SPI1: variants seen among roughly 807,000 people sequenced by gnomAD.
SPI1 encodes Spi-1 proto-oncogene.
A neutral mutation model predicts 30.7 loss-of-function variants in SPI1; 3 were observed. That is an observed-to-expected ratio of 0.10 (90% CI 0.04 to 0.25). The LOEUF (loss-of-function observed/expected upper bound fraction) is 0.25, where lower values mean the gene tolerates loss of function less well. Ranked by LOEUF, SPI1 falls within the 10% of genes least tolerant of loss-of-function variation. The probability of loss-of-function intolerance (pLI) is 1.00; values close to 1 mark genes in which losing one functional copy is unlikely to be tolerated. For missense variants in SPI1, 261 were observed against 371.5 expected (o/e 0.70, Z 2.45); for synonymous variants, 169 against 157.1 (o/e 1.08, Z -0.56).
At position 47,375,615 on chromosome 11, in the gene SPI1, G is replaced by A; in HGVS notation, c.142+18C>T. On this transcript the variant is annotated intron_variant, in intron 2 of 4. Coordinates refer to ENST00000378538, the MANE Select transcript of SPI1 (RefSeq NM_003120.3). The surrounding 1 kb of genome is among the most constrained non-coding windows in gnomAD (Gnocchi z 4.2). ...AGGCTGGGCTGGGGGATGGGGGCGT[G>A]GCAGGCCCCGTACTCACCGCTATGG... 6.3e-7 allele frequency: 1 copy of A among 1,599,296 alleles called. No homozygotes were observed.
Position 47,360,041 on chromosome 11 carries a change from C to A in SPI1, c.143-1G>T. ...TGGGGGTGGAAGTCCCAGTAATGGT[C>A]TGTGGGGGACAGCCAGGCAGTATGG... On this transcript the variant is annotated splice_acceptor_variant, in intron 2 of 4. Transcript: ENST00000378538. LOFTEE classifies it high-confidence loss of function. The A allele has an allele frequency of 6.4e-7, 1 of 1,555,086 alleles. No individual in the cohort carries two copies. Among genetic ancestry groups the A allele is most frequent in the Non-Finnish European group, 8.7e-7 (1 of 1,147,490 alleles).
rs869079686 is a variant in SPI1 at position 47,356,524 on chromosome 11, TCA to T, written c.494-980_494-979del. Among the ~76,000 whole-genome samples the T allele has an allele frequency of 1.1e-3, 17 of 14,938 alleles. No individual in the cohort carries two copies. The East Asian group carries it at 0.014, about 13-fold the overall frequency. The allele number at this position is 14,938 out of a possible 152,430, so 9.8% of individuals were successfully genotyped here. ...CACTCATATGCCCACTCACACCTGC[TCA>T]CACACACCTCACACCAGGTTCACAC... On this transcript the variant is annotated intron_variant, in intron 4 of 4. Coordinates refer to ENST00000378538, the MANE Select transcript of SPI1 (RefSeq NM_003120.3).
At chr11:47,356,823 T>C (rs2095910670) in intron 4 of SPI1, among the ~76,000 whole-genome samples, 1 of 141,960 alleles carries the variant, frequency 7.0e-6, no homozygotes, top group Admixed American at 7.0e-5. Flanking sequence ...CTTACACACA[T>C]CTCACGTTAC....
rs2095907013 is a variant in SPI1 at position 47,355,637 on chromosome 11, G to C, written c.494-91C>G. The C allele has an allele frequency of 1.7e-5, 20 of 1,182,448 alleles. No homozygotes were observed. In the South Asian group the frequency reaches 3.2e-4, roughly 19 times the overall value. The allele number at this position is 1,182,448 out of a possible 1,614,324, so 73.2% of individuals were successfully genotyped here. On this transcript the variant is annotated intron_variant, in intron 4 of 4. Coordinates refer to ENST00000378538, the MANE Select transcript of SPI1 (RefSeq NM_003120.3). The stretch of plus-strand genomic sequence containing the variant: ...GCGTACGCACAGGGGCCCGGGGACG[G>C]GGTGGCCGGGAAGGGCAGGGGAACG...
At position 47,375,344 on chromosome 11, in the gene SPI1, C is replaced by T. The variant is rs1265091632; in HGVS notation, c.142+289G>A. 6.6e-6 allele frequency among the ~76,000 whole-genome samples: 1 copy of T among 152,218 alleles called. No individual in the cohort carries two copies. The highest frequency in any genetic ancestry group is 1.5e-5 in the Non-Finnish European group (1 of 68,038). ...GTGTGACCTTGTGCAAGTCTCCTAGCACCCTAAGCCTGTTTCCTTGTTTAT... is the reference window on the plus strand; with the variant it reads ...GTGTGACCTTGTGCAAGTCTCCTAGTACCCTAAGCCTGTTTCCTTGTTTAT... On this transcript the variant is annotated intron_variant, in intron 2 of 4. Transcript: ENST00000378538. This position sits in a 1 kb window ranked among gnomAD's most constrained non-coding sequence, Gnocchi z 4.2.
intron 2 of SPI1, 30 bp from the exon 3 acceptor site, chr11:47,360,070 G>A (rs772865590): frequency 6.6e-7 from 1 of 1,510,856 alleles, no homozygotes; most frequent in Admixed American, 2.0e-5. Context: ...AGTATGGGGT[G>A]AGCTCAGGGT....
At chr11:47,377,347 C>T (rs1308381820) in intron 1 of SPI1, among the ~76,000 whole-genome samples, 1 of 152,122 alleles carries the variant, frequency 6.6e-6, no homozygotes, top group Admixed American at 6.5e-5. Context: ...GGGCAGCCTG[C>T]CAAGCCCTTC....
chr11:47,358,553 C>T (rs748109019), intron 4 of SPI1: 16 of 696,362 alleles, frequency 2.3e-5, no homozygotes, highest in South Asian at 8.9e-5. Context: ...CCTGTGCACA[C>T]GCACCCTCTG....
At chr11:47,373,251 C>G (rs1207066037) in intron 2 of SPI1, among the ~76,000 whole-genome samples, 5 of 151,800 alleles carry the variant, frequency 3.3e-5, no homozygotes, top group Admixed American at 2.6e-4. Context: ...ACTTGGGAGG[C>G]TGAGGCAGGA....
intron 1 of SPI1, among the ~76,000 whole-genome samples, chr11:47,377,051 T>G (rs1185892349): frequency 6.6e-6 from 1 of 152,172 alleles, no homozygotes; most frequent in Non-Finnish European, 1.5e-5. Flanking sequence ...GCCGCCCACT[T>G]CGTGTTCCCA....
chr11:47,356,313 C>G (rs973316129), intron 4 of SPI1, among the ~76,000 whole-genome samples: 1 of 147,996 alleles, frequency 6.8e-6, no homozygotes, highest in Non-Finnish European at 1.5e-5. Context: ...CAAACCCACA[C>G]TGCATCTGCT....
In SPI1 at chr11:47,359,326, C is replaced by T. The variant is rs2095917192; in HGVS notation, c.331-320G>A. On this transcript the variant is annotated intron_variant, in intron 3 of 4. Coordinates refer to ENST00000378538, the MANE Select transcript of SPI1 (RefSeq NM_003120.3). The surrounding 1 kb of genome is among the most constrained non-coding windows in gnomAD (Gnocchi z 5.1). ...CGGTGCTGTGTGGACCCGCATTAGG[C>T]TGGGGTCAGAAGAGGGCATGCTAGG... Among the ~76,000 whole-genome samples the T allele has an allele frequency of 1.3e-5, 2 of 152,114 alleles. No homozygotes were observed. Among genetic ancestry groups the T allele is most frequent in the African/African-American group, 4.8e-5 (2 of 41,390 alleles).
At chr11:47,355,611 T>G in intron 4 of SPI1, 65 bp from the exon 5 acceptor site, 1 of 1,394,734 alleles carries the variant, frequency 7.2e-7, no homozygotes, top group Non-Finnish European at 9.6e-7. Context: ...CCCACCGCCT[T>G]GCGTACGCAC....
chr11:47,358,002 C>T (rs1187108088), intron 4 of SPI1, among the ~76,000 whole-genome samples: 1 of 152,008 alleles, frequency 6.6e-6, no homozygotes, highest in African/African-American at 2.4e-5. Context: ...CACCTGCTCA[C>T]ACATGGGAAC....
At position 47,359,115 on chromosome 11, in the gene SPI1, A is replaced by C; in HGVS notation, c.331-109T>G. On this transcript the variant is annotated intron_variant, in intron 3 of 4. Transcript: ENST00000378538. This position sits in a 1 kb window ranked among gnomAD's most constrained non-coding sequence, Gnocchi z 5.1. ...GAAGGAGTGCAGAGGGCAGGGGACA[A>C]TGGCAGGCACAGGAGACTGGAGGAA... 3.0e-6 allele frequency: 3 copies of C among 1,004,396 alleles called. No homozygotes were observed. Among genetic ancestry groups the C allele is most frequent in the Non-Finnish European group, 2.8e-6 (2 of 705,222 alleles). 62.2% of individuals were successfully genotyped at this position (1,004,396 alleles called of 1,614,324 possible). A position where few individuals can be genotyped will look rare whatever the true frequency, so the allele number is the denominator to read the frequency against.
In SPI1 at chr11:47,358,856, G is replaced by C; in HGVS notation, c.481C>G (p.Pro161Ala). 1 of 1,549,374 alleles carries C rather than the reference G, an allele frequency of 6.5e-7. No individual in the cohort carries two copies. The highest frequency in any genetic ancestry group is 8.7e-7 in the Non-Finnish European group (1 of 1,145,774). The change falls in exon 4 of 5, where the codon CCT becomes GCT. Residue 161 changes from proline (P) to alanine (A), a missense_variant. By Grantham distance (27) the Pro-to-Ala change is conservative. Transcript: ENST00000378538. ...CCAGGTGCCCCACCTGTCTCCCCAG[G>C]CAGGAGCCCAGGCCCGGGCTCCAGG... ...DGLEPGPGLL[P>A]GETGSKKKIR...
intron 4 of SPI1, among the ~76,000 whole-genome samples, chr11:47,357,097 TCA>T (rs935713204): frequency 1.6e-4 from 24 of 146,956 alleles, no homozygotes; most frequent in South Asian, 6.5e-4. Context: ...TGCTAACACC[TCA>T]CACATTCACA....
At chr11:47,377,245 C>T (rs920563417) in intron 1 of SPI1, among the ~76,000 whole-genome samples, 1 of 152,110 alleles carries the variant, frequency 6.6e-6, no homozygotes, top group African/African-American at 2.4e-5. Context: ...TGATGTCAGG[C>T]CTGGGGTGCC....
Position 47,359,088 on chromosome 11 carries a change from G to C in SPI1, c.331-82C>G. On this transcript the variant is annotated intron_variant, in intron 3 of 4. Transcript: ENST00000378538. This position sits in a 1 kb window ranked among gnomAD's most constrained non-coding sequence, Gnocchi z 5.1. ...GGCTGGGAGGGAGGTCAGCTGGGGA[G>C]AGAAGGAGTGCAGAGGGCAGGGGAC... 1 of 1,335,948 alleles carries C rather than the reference G, an allele frequency of 7.5e-7. No homozygotes were observed. The highest frequency in any genetic ancestry group is 2.3e-4 in the Middle Eastern group (1 of 4,338). 82.8% of individuals were successfully genotyped at this position (1,335,948 alleles called of 1,614,324 possible).
Sources: allele counts gnomAD v4.1 joint callset (sites outside exome capture counted in the v4.1 genomes callset), GRCh38; gene constraint gnomAD v4.1.1; non-coding constraint Gnocchi (gnomAD v3.1); transcripts MANE v1.5; gene names NCBI Gene and HGNC (gene_info 2026-07-23, HGNC 2026-07-21).